NCOR2: variants seen among roughly 807,000 people sequenced by gnomAD.
NCOR2 encodes CTG repeat protein 26.
In NCOR2, 81 loss-of-function variants were observed where a neutral mutation model predicts 262.9. That is an observed-to-expected ratio of 0.31 (90% CI 0.26 to 0.37). NCOR2 has a LOEUF of 0.37. NCOR2 is among the 10% of genes least tolerant of loss of function. NCOR2 has a pLI of 1.00. For missense variants in NCOR2, 3,385 were observed against 3,621.4 expected (o/e 0.93, Z 1.68); for synonymous variants, 1,659 against 1,559.3 (o/e 1.06, Z -1.51).
At chr12:124,373,266 G>C (rs1353183157) in intron 19 of NCOR2, among the ~76,000 whole-genome samples, 1 of 124,710 alleles carries the variant, frequency 8.0e-6, no homozygotes, top group Non-Finnish European at 1.7e-5. Flanking sequence ...CCCGGGCACA[G>C]TGGACAATCA....
At chr12:124,356,771 C>T (rs531931569) in exon 23 of NCOR2, 5 of 1,480,072 alleles carry the variant, frequency 3.4e-6, no homozygotes, top group African/African-American at 1.5e-5. Flanking sequence ...TTCTGGGCCT[C>T]GGCTGCGAAG....
intron 22 of NCOR2, among the ~76,000 whole-genome samples, chr12:124,359,793 G>A (rs560251733): frequency 1.4e-4 from 21 of 152,352 alleles, no homozygotes; most frequent in Admixed American, 3.9e-4. Context: ...AGGGGGCCCC[G>A]AGGGACCTGC....
At chr12:124,363,567 C>T (rs2038785306) in intron 21 of NCOR2, 112 bp downstream of exon 23, 4 of 1,029,796 alleles carry the variant, frequency 3.9e-6, no homozygotes, top group Admixed American at 3.1e-5. Flanking sequence ...GAAACAGAAG[C>T]GGATGAGCTA....
rs973411993 is a variant in NCOR2, at chr12:124,549,235, G to T, written c.-164-13624C>A. Among the ~76,000 whole-genome samples, 1 of 152,026 alleles carries T rather than the reference G, an allele frequency of 6.6e-6. No individual in the cohort carries two copies. The highest frequency in any genetic ancestry group is 2.4e-5 in the African/African-American group (1 of 41,380). Reference sequence around the variant, plus strand: ...GATCAGATGAATTCACGTGGCATGTGCCGCACTGAGACAGGCAGGCACGCA... The same window carrying T: ...GATCAGATGAATTCACGTGGCATGTTCCGCACTGAGACAGGCAGGCACGCA... On this transcript the variant is annotated intron_variant, in intron 1 of 32. Coordinates refer to the NCOR2 transcript ENST00000458234. The surrounding 1 kb of genome is among the most constrained non-coding windows in gnomAD (Gnocchi z 4.4).
At chr12:124,498,114 G>T (rs932856430), upstream of NCOR2, among the ~76,000 whole-genome samples, 6 of 152,236 alleles carry the variant, frequency 3.9e-5, no homozygotes, top group African/African-American at 1.4e-4. Context: ...TGTTCCCGAG[G>T]TCTGCCCCTC....
chr12:124,511,791 G>A (rs1446673633), intron 1 of NCOR2, among the ~76,000 whole-genome samples: 2 of 152,212 alleles, frequency 1.3e-5, no homozygotes, highest in African/African-American at 2.4e-5. Context: ...TTGGAGTGGG[G>A]AACAGTACCA....
intron 37 of NCOR2, among the ~76,000 whole-genome samples, chr12:124,337,524 G>C (rs1461081683): frequency 6.6e-6 from 1 of 152,204 alleles, no homozygotes; most frequent in Non-Finnish European, 1.5e-5. Context: ...GATATCCCAA[G>C]CTCTACAGAG....
In NCOR2 at chr12:124,363,785, CT is replaced by C; in HGVS notation, c.2821del (p.Arg941GlyfsTer23). 1 of 1,368,596 alleles carries C rather than the reference CT, an allele frequency of 7.3e-7. No individual in the cohort carries two copies. The highest frequency in any genetic ancestry group is 9.5e-7 in the Non-Finnish European group (1 of 1,051,698). 84.8% of individuals were successfully genotyped at this position (1,368,596 alleles called of 1,614,324 possible). On this transcript the variant is annotated frameshift_variant, in exon 21 of 47. Coordinates refer to ENST00000405201, the Ensembl canonical transcript of NCOR2. LOFTEE classifies it high-confidence loss of function. ...GCCAGTCGGGGTGAGGAGGCTGGGCCTTGGGGACAGCAGCCTGCGGGCACAC... is the reference window on the plus strand; with the variant it reads ...GCCAGTCGGGGTGAGGAGGCTGGGCCTGGGGACAGCAGCCTGCGGGCACAC...
intron 13 of NCOR2, among the ~76,000 whole-genome samples, chr12:124,412,516 C>T (rs889788756): frequency 3.3e-5 from 5 of 152,260 alleles, no homozygotes; most frequent in African/African-American, 4.8e-5. Context: ...GGCTGTCAGG[C>T]GCGCTGACAA....
intron 1 of NCOR2, among the ~76,000 whole-genome samples, chr12:124,501,835 C>T (rs1472519155): frequency 2.6e-5 from 4 of 152,228 alleles, no homozygotes; most frequent in Admixed American, 6.5e-5. Context: ...TTGTTCACTG[C>T]TGTATCCCCA....
chr12:124,563,577 T>G (rs973217597), intron 1 of NCOR2, among the ~76,000 whole-genome samples: 3 of 152,262 alleles, frequency 2.0e-5, no homozygotes, highest in African/African-American at 7.2e-5. Flanking sequence ...GCCCAGCCTA[T>G]GGGCACTCCA....
chr12:124,554,805 C>T (rs565222440), intron 1 of NCOR2, among the ~76,000 whole-genome samples: 3 of 152,394 alleles, frequency 2.0e-5, no homozygotes, highest in South Asian at 2.1e-4. Flanking sequence ...GCCGCTACAG[C>T]TGCTATTTAT....
At chr12:124,397,245 G>A (rs751993709) in intron 16 of NCOR2, among the ~76,000 whole-genome samples, 16 of 152,324 alleles carry the variant, frequency 1.1e-4, no homozygotes, top group Admixed American at 3.9e-4. Flanking sequence ...AGGCACGGCC[G>A]AGGGAGGGAG....
At chr12:124,562,072 C>CCAGG (rs1240021277) in intron 1 of NCOR2, 1 of 152,182 alleles carries the variant, frequency 6.6e-6, no homozygotes, top group African/African-American at 2.4e-5. Flanking sequence ...TACCAAGAGC[C>CCAGG]CAGGCCCTGC....
intron 5 of NCOR2, among the ~76,000 whole-genome samples, chr12:124,459,849 C>T (rs1431291855): frequency 6.6e-6 from 1 of 152,176 alleles, no homozygotes; most frequent in Non-Finnish European, 1.5e-5. Flanking sequence ...TCAACAGGGT[C>T]CCAGCCCTCA....
In NCOR2 at chr12:124,466,296, G is replaced by A. The variant is rs1051084197; in HGVS notation, c.592-10C>T. The A allele has an allele frequency of 6.2e-7, 1 of 1,602,506 alleles. No individual in the cohort carries two copies. Among genetic ancestry groups the A allele is most frequent in the African/African-American group, 1.3e-5 (1 of 74,760 alleles). The stretch of plus-strand genomic sequence containing the variant: ...CCTCCTCCAGCTGTTGCTGTGGGGA[G>A]AGGCAGAACGTGAGGGATGAGCACC... On this transcript the variant is annotated splice_polypyrimidine_tract_variant and intron_variant, in intron 4 of 46. Transcript: ENST00000405201.
chr12:124,333,214 G>A (rs1475827011), exon 42 of NCOR2: 1 of 1,613,164 alleles, frequency 6.2e-7, no homozygotes, highest in Admixed American at 1.7e-5. Flanking sequence ...GCCCTCCGGT[G>A]GGGACACAGG....
Position 124,457,758 on chromosome 12 carries a change from A to C in NCOR2, c.706-596T>G, listed in dbSNP as rs968420809. Among the ~76,000 whole-genome samples the C allele has an allele frequency of 6.6e-6, 1 of 151,942 alleles. No individual in the cohort carries two copies. The highest frequency in any genetic ancestry group is 1.9e-4 in the East Asian group (1 of 5,158). On this transcript the variant is annotated intron_variant, in intron 5 of 46. Transcript: ENST00000405201. This position sits in a 1 kb window ranked among gnomAD's most constrained non-coding sequence, Gnocchi z 4.0. ...TTAGGAAAACAGGAACATGTGGCGC[A>C]GGGCTCGGTGGCCGCTCCATCAATA...
At chr12:124,426,588 G>A (rs995106923) in intron 11 of NCOR2, 34 bp downstream of exon 13, 3 of 1,534,522 alleles carry the variant, frequency 2.0e-6, no homozygotes, top group Middle Eastern at 1.8e-4. Flanking sequence ...GGGGTGGGGG[G>A]CCGGGAGGCC....
Sources: allele counts gnomAD v4.1 joint callset (sites outside exome capture counted in the v4.1 genomes callset), GRCh38; gene constraint gnomAD v4.1.1; non-coding constraint Gnocchi (gnomAD v3.1); transcripts MANE v1.5; gene names NCBI Gene and HGNC (gene_info 2026-07-23, HGNC 2026-07-21).